Variants in FBXO28 observed in about 807,000 individuals in gnomAD.
FBXO28 encodes the protein F-box protein 28.
A neutral mutation model predicts 38.1 loss-of-function variants in FBXO28; 8 were observed. The ratio of observed to expected loss-of-function variants is 0.21; its 90% CI spans 0.12 to 0.38. FBXO28 has a LOEUF of 0.38. Ranked by LOEUF, FBXO28 falls within the 10% of genes least tolerant of loss-of-function variation. FBXO28 has a pLI of 1.00. For synonymous variants in FBXO28, 168 were observed against 173.8 expected (o/e 0.97, Z 0.26); for missense variants, 345 against 460.6 (o/e 0.75, Z 2.30).
At chr1:224,115,411 TG>T (rs1334576802) in intron 1 of FBXO28, among the ~76,000 whole-genome samples, 1 of 152,240 alleles carries the variant, frequency 6.6e-6, no homozygotes, top group East Asian at 1.9e-4. Flanking sequence ...TATTTCTGAA[TG>T]TGCTGTGTAT....
At chr1:224,140,927 C>T (rs1163451233) in intron 3 of FBXO28, among the ~76,000 whole-genome samples, 1 of 107,556 alleles carries the variant, frequency 9.3e-6, no homozygotes, top group African/African-American at 3.5e-5. Flanking sequence ...GCCTGGGCAA[C>T]AGAGTGAGAT....
chr1:224,157,893 A>G lies in FBXO28; in HGVS notation c.*147A>G, dbSNP rs1558199346. Reference sequence around the variant, plus strand: ...AAACTTGAACTCTTATGGTTGGGACATTCTTTTCCTGCTTCTCCTGATTGA... The same window carrying G: ...AAACTTGAACTCTTATGGTTGGGACGTTCTTTTCCTGCTTCTCCTGATTGA... On this transcript the variant is annotated 3_prime_UTR_variant, in exon 5 of 5. Coordinates refer to ENST00000366862, the MANE Select transcript of FBXO28 (RefSeq NM_015176.4). 4.9e-6 allele frequency: 7 copies of G among 1,424,466 alleles called. No homozygotes were observed. The East Asian group carries it at 7.6e-5, about 15-fold the overall frequency. 88.2% of individuals were successfully genotyped at this position (1,424,466 alleles called of 1,614,324 possible).
chr1:224,141,329 G>A (rs986736414), intron 3 of FBXO28, among the ~76,000 whole-genome samples: 22 of 151,066 alleles, frequency 1.5e-4, no homozygotes, highest in Admixed American at 1.5e-3. Flanking sequence ...AAATTAGCCA[G>A]GCATGGTGGC....
intron 2 of FBXO28, among the ~76,000 whole-genome samples, chr1:224,132,902 AGAAAT>A: frequency 6.6e-6 from 1 of 152,348 alleles, no homozygotes; most frequent in Non-Finnish European, 1.5e-5. Context: ...AGTACCCAAA[AGAAAT>A]GAAAACATAA....
intron 3 of FBXO28, among the ~76,000 whole-genome samples, chr1:224,135,264 TC>T (rs1311058389): frequency 2.6e-5 from 4 of 152,324 alleles, no homozygotes; most frequent in African/African-American, 7.2e-5. Context: ...TTTTAAGTGT[TC>T]CTGAGTTCTT....
intron 1 of FBXO28, among the ~76,000 whole-genome samples, chr1:224,122,472 C>T (rs77909148): frequency 0.04 from 6,050 of 152,210 alleles, 277 homozygotes; most frequent in East Asian, 0.26. Flanking sequence ...ATTCAGATTT[C>T]TCAGTTGTCC....
chr1:224,125,640 C>T (rs913822309), intron 1 of FBXO28, among the ~76,000 whole-genome samples: 1 of 146,370 alleles, frequency 6.8e-6, no homozygotes, highest in Admixed American at 7.0e-5. Context: ...GATACTCATT[C>T]TCTTTTTTTT....
chr1:224,114,583 G>A (rs540425071), intron 1 of FBXO28, among the ~76,000 whole-genome samples, 187 bp downstream of exon 1: 1 of 61,406 alleles, frequency 1.6e-5, no homozygotes, highest in Non-Finnish European at 3.5e-5. Flanking sequence ...GTTCCCGATT[G>A]CGTCCTAGCT....
intron 4 of FBXO28, among the ~76,000 whole-genome samples, chr1:224,156,008 C>A (rs564297126): frequency 6.6e-6 from 1 of 152,200 alleles, no homozygotes; most frequent in African/African-American, 2.4e-5. Context: ...ATGGAAACAT[C>A]ACAGGAAGTA....
chr1:224,154,543 T>C (rs1363365976), intron 4 of FBXO28, among the ~76,000 whole-genome samples: 1 of 151,842 alleles, frequency 6.6e-6, no homozygotes, highest in Non-Finnish European at 1.5e-5. Context: ...GCGCGGTGGC[T>C]CATGCCTGTA....
chr1:224,126,785 G>A lies in FBXO28; in HGVS notation c.268-3687G>A, dbSNP rs563853577. ...AGATCACGCCACTGCACCCCAGCCT[G>A]GGCAACAGAGCAAGACTCCCTCTAA... On this transcript the variant is annotated intron_variant, in intron 1 of 4. Coordinates refer to ENST00000366862, the MANE Select transcript of FBXO28 (RefSeq NM_015176.4). Among the ~76,000 whole-genome samples, 10 of 152,240 alleles carry A rather than the reference G, an allele frequency of 6.6e-5. No homozygotes were observed. The East Asian group carries it at 1.9e-3, about 29-fold the overall frequency.
intron 1 of FBXO28, among the ~76,000 whole-genome samples, chr1:224,117,776 G>A (rs554933437): frequency 6.6e-6 from 1 of 152,174 alleles, no homozygotes; most frequent in African/African-American, 2.4e-5. Context: ...GGGAGGCCAG[G>A]GTGGGCGGAT....
intron 3 of FBXO28, among the ~76,000 whole-genome samples, chr1:224,146,212 C>T (rs927261988): frequency 2.0e-5 from 3 of 149,834 alleles, no homozygotes; most frequent in African/African-American, 2.5e-5. Flanking sequence ...CCAGCCTGGG[C>T]GATAGAGTGA....
Position 224,114,364 on chromosome 1 carries a change from A to G in FBXO28, c.235A>G (p.Met79Val). 2 of 1,597,092 alleles carry G rather than the reference A, an allele frequency of 1.3e-6. No homozygotes were observed. The highest frequency in any genetic ancestry group is 1.7e-6 in the Non-Finnish European group (2 of 1,171,478). The change falls in exon 1 of 5, where the codon ATG (methionine) becomes GTG (valine). Residue 79 changes from methionine to valine, a missense_variant. Coordinates refer to ENST00000366862, the MANE Select transcript of FBXO28 (RefSeq NM_015176.4). ...AGCCATCGAGAACATCCTCAGCTTT[A>G]TGTCCTACGACGAAATTAGCCAGCT... ...IVAIENILSF[M>V]SYDEISQLRL...
chr1:224,125,844 GTCTCAAACTCCTGA>G (rs1237277081), intron 1 of FBXO28, among the ~76,000 whole-genome samples: 2 of 152,060 alleles, frequency 1.3e-5, no homozygotes, highest in African/African-American at 4.8e-5. Flanking sequence ...GGCCAGGCTG[GTCTCAAACTCCTGA>G]CCTCAAGTGA....
At chr1:224,154,935 G>C (rs902942502) in intron 4 of FBXO28, among the ~76,000 whole-genome samples, 2 of 149,946 alleles carry the variant, frequency 1.3e-5, no homozygotes, top group African/African-American at 4.9e-5. Context: ...CCAAGATCAC[G>C]CCACTGCACT....
intron 2 of FBXO28, among the ~76,000 whole-genome samples, chr1:224,131,213 G>A (rs1657033685): frequency 1.3e-5 from 2 of 151,666 alleles, no homozygotes; most frequent in Non-Finnish European, 2.9e-5. Context: ...TGTGATAGGG[G>A]TTGACAATAA....
intron 1 of FBXO28, among the ~76,000 whole-genome samples, chr1:224,128,029 A>G (rs1656945874): frequency 6.6e-6 from 1 of 152,140 alleles, no homozygotes; most frequent in South Asian, 2.1e-4. Flanking sequence ...CTGGTTTTTA[A>G]TATTAGAATA....
intron 2 of FBXO28, among the ~76,000 whole-genome samples, 182 bp from the exon 3 acceptor site, chr1:224,133,892 C>G (rs1657115298): frequency 6.6e-6 from 1 of 151,864 alleles, no homozygotes. Flanking sequence ...GAGTACCAGT[C>G]TTTGGTAACG....
Sources: gnomAD v4.1 joint callset for allele counts (sites outside exome capture counted in the v4.1 genomes callset) on GRCh38, gnomAD v4.1.1 for gene constraint, MANE v1.5 for transcripts, NCBI Gene and HGNC (gene_info 2026-07-23, HGNC 2026-07-21) for gene names.